The following LAMA1 variants were observed in gnomAD, a reference collection of about 807,000 sequenced individuals.
The protein encoded by LAMA1 is laminin subunit alpha 1, also known as laminin subunit alpha-1.
A neutral mutation model predicts 348.7 loss-of-function variants in LAMA1; 219 were observed. The observed-to-expected ratio is 0.63, with a 90% confidence interval of 0.56 to 0.70. The LOEUF is 0.70. Among genes scored for constraint, LAMA1 ranks in the 30% least tolerant of loss-of-function variants. The pLI, the probability that LAMA1 is intolerant of heterozygous loss-of-function variation, is 0.00. For synonymous variants in LAMA1, 1,487 were observed against 1,491.0 expected, an observed-to-expected ratio of 1.00 and a Z score of 0.06; for missense variants, 3,744 against 3,888.0, an observed-to-expected ratio of 0.96 and a Z score of 0.99.
intron 28 of LAMA1, among the ~76,000 whole-genome samples, 170 bp downstream of exon 28, chr18:7,008,318 A>G (rs1448321608): frequency 1.3e-5 from 2 of 152,180 alleles, no homozygotes; most frequent in African/African-American, 4.8e-5. Context: ...AATGGTTAAG[A>G]TGGAAGATTT....
intron 60 of LAMA1, among the ~76,000 whole-genome samples, chr18:6,947,832 A>T (rs1240993081): frequency 6.6e-6 from 1 of 152,186 alleles, no homozygotes; most frequent in Non-Finnish European, 1.5e-5. Context: ...AACAGCAGGC[A>T]GTTGTTACCA....
chr18:7,008,364 A>T, intron 28 of LAMA1, 124 bp downstream of exon 28: 2 of 1,125,848 alleles, frequency 1.8e-6, no homozygotes, highest in Non-Finnish European at 2.5e-6. Flanking sequence ...ATTTCTTTTT[A>T]ATTCAAAAAG....
intron 14 of LAMA1, among the ~76,000 whole-genome samples, 161 bp from the exon 15 acceptor site, chr18:7,033,256 A>G (rs628540): frequency 0.46 from 69,378 of 151,884 alleles, 17,101 homozygotes; most frequent in African/African-American, 0.65. Flanking sequence ...CACGAGGTCA[A>G]GAGATCGAGA....
intron 29 of LAMA1, among the ~76,000 whole-genome samples, chr18:7,003,289 C>T (rs1875427479): frequency 6.7e-6 from 1 of 149,860 alleles, no homozygotes; most frequent in South Asian, 2.1e-4. Flanking sequence ...CTCGCTCTGT[C>T]ACCCAGGCCA....
chr18:7,098,448 G>A lies in LAMA1; in HGVS notation c.62-17991C>T, dbSNP rs191608066. ...CCATCACATCTAGGAAGTGAGGAGC[G>A]TCCCTGCCCGGCCGCCCATCGTCTA... On this transcript the variant is annotated intron_variant, in intron 1 of 62. Coordinates refer to ENST00000389658, the MANE Select transcript of LAMA1 (RefSeq NM_005559.4). 4.2e-3 allele frequency among the ~76,000 whole-genome samples: 636 copies of A among 151,110 alleles called. 10 individuals carry two copies. The highest frequency in any genetic ancestry group is 0.015 in the African/African-American group (605 of 41,064).
intron 3 of LAMA1, among the ~76,000 whole-genome samples, chr18:7,077,199 C>CTTTTTTTT (rs71165719): frequency 1.0e-4 from 12 of 119,776 alleles, no homozygotes; most frequent in African/African-American, 1.3e-4. Flanking sequence ...CTGTTCTTTT[C>CTTTTTTTT]TTTTTTTTTT....
In LAMA1 at chr18:7,026,021, T is replaced by C. The variant is rs760311065; in HGVS notation, c.2360A>G (p.Asp787Gly). 1.2e-6 allele frequency: 2 copies of C among 1,609,202 alleles called. No individual in the cohort carries two copies. The highest frequency in any genetic ancestry group is 3.4e-5 in the Admixed American group (2 of 59,446). The change falls in exon 17 of 63, where the codon GAC becomes GGC. Residue 787 changes from aspartate (D) to glycine (G), a missense_variant. Around this residue, in one of 3 missense-constraint regions of LAMA1, gnomAD observed 1,529 missense variants for 1,689.4 expected, o/e 0.91. Coordinates refer to ENST00000389658, the MANE Select transcript of LAMA1 (RefSeq NM_005559.4). ...GAGAGGGCAGGCGCAGGGCTGGCAG[T>C]CCCCAGGTGTCCCTCGGGAAGGCTC... ...YGEPSRGTPGDCQPCACPLTI... is the reference protein window; with the variant it reads ...YGEPSRGTPGGCQPCACPLTI...
chr18:7,109,106 A>G (rs2058325715), intron 1 of LAMA1, among the ~76,000 whole-genome samples: 1 of 152,238 alleles, frequency 6.6e-6, no homozygotes, highest in Admixed American at 6.5e-5. Flanking sequence ...ACCCAGATCA[A>G]ATCAACTGCA....
At chr18:7,117,215 T>G (rs959527992) in intron 1 of LAMA1, among the ~76,000 whole-genome samples, 1 of 151,950 alleles carries the variant, frequency 6.6e-6, no homozygotes, top group African/African-American at 2.4e-5. Context: ...TGAGGGCGAC[T>G]CGGGAGAGCT....
At position 6,983,867 on chromosome 18, in the gene LAMA1, G is replaced by A. The variant is rs553675204; in HGVS notation, c.5661-633C>T. ...TCTGGCAATGGGCACATCTTTGCCT[G>A]CTGAGTAACTCACTTCATTTTCTTT... On this transcript the variant is annotated intron_variant, in intron 39 of 62. Coordinates refer to ENST00000389658, the MANE Select transcript of LAMA1 (RefSeq NM_005559.4). Among the ~76,000 whole-genome samples, 16 of 152,314 alleles carry A rather than the reference G, an allele frequency of 1.1e-4. No individual in the cohort carries two copies. The South Asian group carries it at 3.3e-3, about 32-fold the overall frequency.
Position 7,049,149 on chromosome 18 carries a change from T to C in LAMA1, c.697A>G (p.Thr233Ala). The change falls in exon 5 of 63, where the codon ACG (threonine) becomes GCG (alanine). Residue 233 changes from threonine to alanine, a missense_variant. This residue lies in a region of LAMA1 where 1,529 missense variants were observed against 1,689.4 expected (regional missense o/e 0.91). Coordinates refer to ENST00000389658, the MANE Select transcript of LAMA1 (RefSeq NM_005559.4). Reference sequence around the variant, plus strand: ...AGGGTCATGAGATCTGCATTGAGCGTTCTAATGCGTTGCAAGCGAAGGCGA... The same window carrying C: ...AGGGTCATGAGATCTGCATTGAGCGCTCTAATGCGTTGCAAGCGAAGGCGA... ...YIRLRLQRIR[T>A]LNADLMTLSH... is the part of the protein sequence containing the mutation. The C allele has an allele frequency of 6.2e-7, 1 of 1,614,018 alleles. No homozygotes were observed. Among genetic ancestry groups the C allele is most frequent in the Non-Finnish European group, 8.5e-7 (1 of 1,179,902 alleles).
chr18:7,089,089 C>A (rs1239824179), intron 1 of LAMA1, among the ~76,000 whole-genome samples: 1 of 152,030 alleles, frequency 6.6e-6, no homozygotes, highest in Non-Finnish European at 1.5e-5. Context: ...GGTAAAGAAA[C>A]CTGCTAGGGG....
At chr18:7,109,761 G>A (rs958293846) in intron 1 of LAMA1, among the ~76,000 whole-genome samples, 2 of 151,790 alleles carry the variant, frequency 1.3e-5, no homozygotes, top group Non-Finnish European at 2.9e-5. Context: ...GGATCACTGA[G>A]GGCCATAGCA....
intron 33 of LAMA1, 42 bp downstream of exon 33, chr18:6,997,700 A>C: frequency 6.3e-7 from 1 of 1,599,228 alleles, no homozygotes; most frequent in Non-Finnish European, 8.6e-7. Context: ...ATATCCCTTA[A>C]TGATACAAGT....
intron 3 of LAMA1, among the ~76,000 whole-genome samples, chr18:7,064,033 T>TC (rs1189963600): frequency 6.6e-6 from 1 of 152,016 alleles, no homozygotes; most frequent in Non-Finnish European, 1.5e-5. Flanking sequence ...CCCACCTGGC[T>TC]CCCCCTGCTG....
At chr18:7,030,143 C>G (rs1241220745) in intron 16 of LAMA1, among the ~76,000 whole-genome samples, 1 of 152,070 alleles carries the variant, frequency 6.6e-6, no homozygotes, top group Non-Finnish European at 1.5e-5. Context: ...CAGACATCAC[C>G]TAATTCAAGT....
intron 3 of LAMA1, among the ~76,000 whole-genome samples, chr18:7,059,676 G>A (rs532112459): frequency 5.9e-5 from 9 of 152,270 alleles, no homozygotes; most frequent in East Asian, 5.8e-4. Context: ...GCTGTTCTCC[G>A]CAGGCTCTCA....
intron 12 of LAMA1, 126 bp downstream of exon 12, chr18:7,037,452 C>T (rs2058000230): frequency 6.9e-6 from 7 of 1,011,354 alleles, no homozygotes; most frequent in Non-Finnish European, 1.1e-5. Flanking sequence ...CAAGTACAGG[C>T]TATGAAATGC....
At chr18:7,023,122 T>C in intron 19 of LAMA1, 42 bp downstream of exon 19, 1 of 1,585,084 alleles carries the variant, frequency 6.3e-7, no homozygotes, top group Non-Finnish European at 8.6e-7. Context: ...AGACTTCCTA[T>C]GGCAATAAAC....
Sources: gnomAD v4.1 joint callset for allele counts (sites outside exome capture counted in the v4.1 genomes callset) on GRCh38, gnomAD v4.1.1 for gene constraint, gnomAD v4.1.1 regional missense constraint, MANE v1.5 for transcripts, NCBI Gene and HGNC (gene_info 2026-07-23, HGNC 2026-07-21) for gene names.